SORCS3: variants seen among roughly 807,000 people sequenced by gnomAD.
SORCS3 encodes sortilin related VPS10 domain containing receptor 3.
Under a neutral mutation model 146.3 loss-of-function variants are expected in SORCS3, and 57 were observed. The observed-to-expected ratio is 0.39, with a 90% CI of 0.31 to 0.49. The LOEUF is 0.49. SORCS3 is among the 20% of genes least tolerant of loss of function. SORCS3 has a pLI of 0.92. For missense variants in SORCS3, 1,341 were observed against 1,575.5 expected, an observed-to-expected ratio of 0.85 and a Z score of 2.52; for synonymous variants, 653 against 618.5, an observed-to-expected ratio of 1.06 and a Z score of -0.83.
intron 6 of SORCS3, among the ~76,000 whole-genome samples, chr10:105,103,153 G>T (rs1305501620): frequency 6.6e-6 from 1 of 152,098 alleles, no homozygotes; most frequent in African/African-American, 2.4e-5. Flanking sequence ...TGAATTCTGT[G>T]TGGAGGAGCA....
At chr10:104,779,088 A>G (rs1008335019) in intron 1 of SORCS3, among the ~76,000 whole-genome samples, 2 of 152,196 alleles carry the variant, frequency 1.3e-5, no homozygotes, top group African/African-American at 4.8e-5. Context: ...GGCACAAGGA[A>G]GGAATCATGA....
chr10:104,717,081 G>T (rs2016488056), intron 1 of SORCS3, among the ~76,000 whole-genome samples: 1 of 152,142 alleles, frequency 6.6e-6, no homozygotes, highest in South Asian at 2.1e-4. Flanking sequence ...TTGAGACCAG[G>T]ATTTCAGGAC....
At chr10:105,164,779 G>C (rs1427323732) in intron 12 of SORCS3, among the ~76,000 whole-genome samples, 12 of 152,136 alleles carry the variant, frequency 7.9e-5, no homozygotes, top group Non-Finnish European at 2.9e-5. Flanking sequence ...GCAAGGATTG[G>C]AACATTAAAA....
At position 105,201,207 on chromosome 10, in the gene SORCS3, T is replaced by A; in HGVS notation, c.2215T>A (p.Ser739Thr). Reference sequence around the variant, plus strand: ...TGCCCTGGGCCGAGACCACTCAGGATCAGTGGTCTCAGAACCCTGTGTCTG... The same window carrying A: ...TGCCCTGGGCCGAGACCACTCAGGAACAGTGGTCTCAGAACCCTGTGTCTG... ...QCALGRDHSGSVVSEPCVCAN... is the reference protein window; with the variant it reads ...QCALGRDHSGTVVSEPCVCAN... The change falls in exon 16 of 27, where the codon TCA becomes ACA. Residue 739 changes from serine (S) to threonine (T), a missense_variant. Physicochemically the swap from Ser to Thr is moderately conservative, Grantham distance 58. Transcript: ENST00000369701. 1.2e-6 allele frequency: 2 copies of A among 1,611,590 alleles called. No individual in the cohort carries two copies. The highest frequency in any genetic ancestry group is 2.2e-5 in the South Asian group (2 of 90,300).
intron 3 of SORCS3, among the ~76,000 whole-genome samples, chr10:104,957,670 C>T (rs2019509752): frequency 6.6e-6 from 1 of 152,086 alleles, no homozygotes; most frequent in South Asian, 2.1e-4. Flanking sequence ...CTACCTCTTC[C>T]CACCCTCTCT....
intron 4 of SORCS3, among the ~76,000 whole-genome samples, chr10:104,985,356 A>T (rs1465783989): frequency 1.3e-5 from 2 of 152,120 alleles, no homozygotes; most frequent in African/African-American, 4.8e-5. Flanking sequence ...TATTGCAGCA[A>T]TTTAGTCACT....
intron 2 of SORCS3, among the ~76,000 whole-genome samples, chr10:104,892,648 G>A (rs950460643): frequency 2.6e-5 from 4 of 152,114 alleles, no homozygotes; most frequent in Non-Finnish European, 4.4e-5. Flanking sequence ...ACTTGTACCC[G>A]GGAGGCGGAG....
intron 13 of SORCS3, among the ~76,000 whole-genome samples, chr10:105,171,611 A>G (rs779665312): frequency 2.0e-5 from 3 of 152,230 alleles, no homozygotes; most frequent in Non-Finnish European, 2.9e-5. Flanking sequence ...GTTCCAAACA[A>G]TACATGTCTC....
At chr10:105,198,378 G>C (rs374687076) in intron 14 of SORCS3, among the ~76,000 whole-genome samples, 4 of 152,104 alleles carry the variant, frequency 2.6e-5, no homozygotes, top group African/African-American at 9.7e-5. Context: ...TATCCATCAA[G>C]GTCTCCTCCC....
At chr10:105,224,081 A>G (rs777409804) in intron 20 of SORCS3, among the ~76,000 whole-genome samples, 5 of 152,212 alleles carry the variant, frequency 3.3e-5, no homozygotes, top group African/African-American at 4.8e-5. Flanking sequence ...ACTTACATTA[A>G]TACATCATTA....
At chr10:104,839,226 G>C (rs1318454761) in intron 1 of SORCS3, among the ~76,000 whole-genome samples, 1 of 152,142 alleles carries the variant, frequency 6.6e-6, no homozygotes, top group Admixed American at 6.5e-5. Flanking sequence ...CTCATGTAAC[G>C]TTCAGAAACT....
At chr10:104,833,264 C>G (rs557452852) in intron 1 of SORCS3, among the ~76,000 whole-genome samples, 1 of 152,304 alleles carries the variant, frequency 6.6e-6, no homozygotes, top group African/African-American at 2.4e-5. Flanking sequence ...GAAGAAATTG[C>G]CTTCTCTGAG....
chr10:105,113,188 C>T (rs1243844921), intron 7 of SORCS3, among the ~76,000 whole-genome samples: 1 of 152,148 alleles, frequency 6.6e-6, no homozygotes, highest in African/African-American at 2.4e-5. Flanking sequence ...TTTTGCAGCC[C>T]TGTTGGCTGC....
intron 3 of SORCS3, among the ~76,000 whole-genome samples, chr10:104,960,312 C>A (rs1343738361): frequency 6.6e-6 from 1 of 152,142 alleles, no homozygotes; most frequent in Non-Finnish European, 1.5e-5. Flanking sequence ...CCCCAGATAT[C>A]TAGGTTTAGG....
At chr10:105,073,059 T>G (rs1208240099) in intron 5 of SORCS3, among the ~76,000 whole-genome samples, 1 of 152,184 alleles carries the variant, frequency 6.6e-6, no homozygotes, top group Non-Finnish European at 1.5e-5. Context: ...GGCCAGGATT[T>G]AAACCCAGTT....
chr10:105,008,453 A>G (rs919942987), intron 4 of SORCS3, among the ~76,000 whole-genome samples: 3 of 152,202 alleles, frequency 2.0e-5, no homozygotes, highest in African/African-American at 4.8e-5. Flanking sequence ...GGATGCATCT[A>G]TCATTCTGAT....
intron 13 of SORCS3, among the ~76,000 whole-genome samples, chr10:105,171,043 T>C (rs1204253884): frequency 6.6e-6 from 1 of 152,208 alleles, no homozygotes; most frequent in East Asian, 1.9e-4. Context: ...TACAGATGTA[T>C]GTATATTAAT....
chr10:105,212,294 C>A (rs2056638772), intron 17 of SORCS3, among the ~76,000 whole-genome samples: 1 of 152,158 alleles, frequency 6.6e-6, no homozygotes, highest in African/African-American at 2.4e-5. Flanking sequence ...AGGATCTTTG[C>A]TGTTATTTAA....
chr10:105,247,181 C>T (rs755087164), intron 21 of SORCS3, 38 bp from the exon 22 acceptor site: 4 of 1,234,590 alleles, frequency 3.2e-6, no homozygotes, highest in African/African-American at 3.0e-5. Context: ...TCTCTTCTCA[C>T]TCTCCCAGCC....
Sources: gnomAD v4.1 joint callset for allele counts (sites outside exome capture counted in the v4.1 genomes callset) on GRCh38, gnomAD v4.1.1 for gene constraint, MANE v1.5 for transcripts, NCBI Gene and HGNC (gene_info 2026-07-23, HGNC 2026-07-21) for gene names.